The following ITGA9 variants were observed in gnomAD, a reference collection of about 807,000 sequenced individuals.
The protein encoded by ITGA9 is integrin alpha-9.
Under a neutral mutation model 127.8 loss-of-function variants are expected in ITGA9, and 56 were observed. The ratio of observed to expected loss-of-function variants is 0.44; its 90% CI spans 0.35 to 0.55. The LOEUF is 0.55. Among genes scored for constraint, ITGA9 ranks in the 20% least tolerant of loss-of-function variants. The probability of loss-of-function intolerance (pLI) is 0.00; values close to 1 mark genes in which losing one functional copy is unlikely to be tolerated. For missense variants in ITGA9, 1,196 were observed against 1,347.1 expected (o/e 0.89, Z 1.76); for synonymous variants, 508 against 514.5 (o/e 0.99, Z 0.17).
intron 4 of ITGA9, among the ~76,000 whole-genome samples, chr3:37,493,736 C>T (rs1698696695): frequency 6.6e-6 from 1 of 152,126 alleles, no homozygotes; most frequent in African/African-American, 2.4e-5. Flanking sequence ...ATATGGGTTC[C>T]CAGGGATGAG....
chr3:37,690,230 G>T (rs1016094824), intron 18 of ITGA9, among the ~76,000 whole-genome samples: 1 of 152,178 alleles, frequency 6.6e-6, no homozygotes, highest in Non-Finnish European at 1.5e-5. Flanking sequence ...AGGGATGAGA[G>T]GGTAGAAGAG....
At chr3:37,636,778 A>AAAAT (rs1182434540) in intron 16 of ITGA9, among the ~76,000 whole-genome samples, 7 of 152,058 alleles carry the variant, frequency 4.6e-5, no homozygotes, top group Non-Finnish European at 1.0e-4. Context: ...CTAACATTTA[A>AAAAT]GTCTTTAATC....
At chr3:37,649,387 GT>G (rs1700409080) in intron 16 of ITGA9, among the ~76,000 whole-genome samples, 1 of 152,102 alleles carries the variant, frequency 6.6e-6, no homozygotes, top group Non-Finnish European at 1.5e-5. Context: ...ATGGAAAAAG[GT>G]AGTCCATGCA....
chr3:37,614,401 T>C (rs527301962), intron 15 of ITGA9, among the ~76,000 whole-genome samples: 18 of 152,356 alleles, frequency 1.2e-4, no homozygotes, highest in African/African-American at 3.1e-4. Flanking sequence ...GGTAGCGTGA[T>C]GCCTCCGGTT....
intron 16 of ITGA9, among the ~76,000 whole-genome samples, chr3:37,635,561 TTTTTATTTTA>T (rs149340883): frequency 8.0e-5 from 12 of 149,260 alleles, no homozygotes; most frequent in South Asian, 2.1e-4. Context: ...ATGAAAATTG[TTTTTATTTTA>T]TTTTATTTTA....
chr3:37,736,878 C>G (rs775069469), intron 19 of ITGA9, 26 bp from the exon 20 acceptor site: 4 of 1,529,372 alleles, frequency 2.6e-6, no homozygotes, highest in Non-Finnish European at 2.7e-6. Flanking sequence ...CCTGCTGATG[C>G]CAAATACCAC....
chr3:37,475,913 G>T (rs536342046), intron 3 of ITGA9, among the ~76,000 whole-genome samples: 4 of 152,172 alleles, frequency 2.6e-5, no homozygotes, highest in Non-Finnish European at 5.9e-5. Flanking sequence ...TTAAGAGTTT[G>T]ACTACTTTAG....
intron 23 of ITGA9, among the ~76,000 whole-genome samples, chr3:37,777,096 G>A (rs1259220654): frequency 6.6e-6 from 1 of 152,210 alleles, no homozygotes; most frequent in Non-Finnish European, 1.5e-5. Flanking sequence ...AAACCATGGA[G>A]TATAAGGCTT....
chr3:37,759,077 C>CCACACACA (rs10565669), intron 23 of ITGA9, among the ~76,000 whole-genome samples: 1 of 146,090 alleles, frequency 6.8e-6, no homozygotes, highest in Non-Finnish European at 1.5e-5. Flanking sequence ...ATATATATAC[C>CCACACACA]CACACACACA....
chr3:37,718,990 A>G (rs1701162701), intron 18 of ITGA9, among the ~76,000 whole-genome samples: 1 of 152,242 alleles, frequency 6.6e-6, no homozygotes, highest in African/African-American at 2.4e-5. Flanking sequence ...AGGTGGTTCC[A>G]GTGCACACCC....
At chr3:37,631,070 A>G (rs888022945) in intron 16 of ITGA9, among the ~76,000 whole-genome samples, 2 of 152,204 alleles carry the variant, frequency 1.3e-5, no homozygotes, top group Non-Finnish European at 2.9e-5. Flanking sequence ...TAACTTCTAC[A>G]TAATTGGTCT....
At chr3:37,522,531 C>G (rs1047503427) in intron 11 of ITGA9, among the ~76,000 whole-genome samples, 9 of 151,982 alleles carry the variant, frequency 5.9e-5, no homozygotes, top group African/African-American at 2.2e-4. Context: ...TTTGAAACCA[C>G]CTTGGGCAAC....
At chr3:37,649,977 C>T (rs1474667367) in intron 16 of ITGA9, among the ~76,000 whole-genome samples, 1 of 152,230 alleles carries the variant, frequency 6.6e-6, no homozygotes, top group Non-Finnish European at 1.5e-5. Flanking sequence ...ATCAACACAG[C>T]TCTCTGTTCC....
At chr3:37,465,671 G>T (rs1698362587) in intron 1 of ITGA9, among the ~76,000 whole-genome samples, 1 of 152,214 alleles carries the variant, frequency 6.6e-6, no homozygotes, top group Non-Finnish European at 1.5e-5. Flanking sequence ...GAAAAGCAAG[G>T]TGATTGAAGT....
chr3:37,816,116 T>C (rs1697429405), intron 27 of ITGA9, among the ~76,000 whole-genome samples: 1 of 152,072 alleles, frequency 6.6e-6, no homozygotes, highest in Non-Finnish European at 1.5e-5. Context: ...CACCTCACGA[T>C]GGGAAGAGCT....
intron 19 of ITGA9, among the ~76,000 whole-genome samples, chr3:37,735,035 C>A (rs1053582351): frequency 6.6e-6 from 1 of 152,234 alleles, no homozygotes; most frequent in Non-Finnish European, 1.5e-5. Context: ...GTCCTTCCAA[C>A]CCTGAGGGTC....
chr3:37,588,096 C>T (rs1176994225), intron 15 of ITGA9, among the ~76,000 whole-genome samples: 3 of 152,308 alleles, frequency 2.0e-5, no homozygotes, highest in East Asian at 3.9e-4. Flanking sequence ...CTGGATTCAT[C>T]CTGTCATTTG....
chr3:37,650,691 A>G (rs1180493587), intron 16 of ITGA9, among the ~76,000 whole-genome samples: 4 of 152,130 alleles, frequency 2.6e-5, no homozygotes, highest in African/African-American at 9.7e-5. Flanking sequence ...TCAGCCTCCC[A>G]AAGTGCTGGG....
chr3:37,638,704 A>G (rs917750607), intron 16 of ITGA9, among the ~76,000 whole-genome samples: 7 of 152,346 alleles, frequency 4.6e-5, no homozygotes, highest in Middle Eastern at 3.4e-3. Flanking sequence ...CACTGAGCCC[A>G]TGTTGGTACC....
Sources: gnomAD v4.1 joint callset for allele counts (sites outside exome capture counted in the v4.1 genomes callset) on GRCh38, gnomAD v4.1.1 for gene constraint, MANE v1.5 for transcripts, NCBI Gene and HGNC (gene_info 2026-07-23, HGNC 2026-07-21) for gene names.